The following STK3 variants were observed in gnomAD, a reference collection of about 807,000 sequenced individuals.
STK3 encodes serine/threonine-protein kinase 3.
In STK3, 41 loss-of-function variants were observed where a neutral mutation model predicts 58.0. The ratio of observed to expected loss-of-function variants is 0.71; its 90% confidence interval spans 0.55 to 0.92. STK3 has a LOEUF of 0.92. STK3 is among the 40% of genes least tolerant of loss of function. The pLI is 0.00. For missense variants in STK3, 479 were observed against 602.7 expected, an observed-to-expected ratio of 0.79 and a Z score of 2.15; for synonymous variants, 170 against 191.0, an observed-to-expected ratio of 0.89 and a Z score of 0.91.
At chr8:98,596,007 T>C (rs1444599246) in intron 7 of STK3, 25 bp downstream of exon 7, 8 of 1,601,626 alleles carry the variant, frequency 5.0e-6, no homozygotes, top group Non-Finnish European at 6.0e-6. Context: ...GAAAATATCC[T>C]TCCCTTCGAG....
At chr8:98,565,375 A>G (rs1442507430) in intron 8 of STK3, among the ~76,000 whole-genome samples, 1 of 152,190 alleles carries the variant, frequency 6.6e-6, no homozygotes, top group Non-Finnish European at 1.5e-5. Context: ...CACAAATCCC[A>G]AAGAATCATG....
At chr8:98,893,508 GAA>G (rs377089777) in intron 1 of STK3, among the ~76,000 whole-genome samples, 38 of 119,326 alleles carry the variant, frequency 3.2e-4, no homozygotes, top group African/African-American at 9.6e-4. Flanking sequence ...AAGAAAGAAA[GAA>G]AGAAAGAAAG....
chr8:98,451,352 A>C (rs942879191), downstream of STK3, among the ~76,000 whole-genome samples: 5 of 152,298 alleles, frequency 3.3e-5, no homozygotes, highest in African/African-American at 1.2e-4. Context: ...GTTTGGAAGC[A>C]GTTCAGTTTG....
intron 1 of STK3, among the ~76,000 whole-genome samples, chr8:98,793,247 G>C (rs970538564): frequency 1.3e-5 from 2 of 151,990 alleles, no homozygotes; most frequent in Middle Eastern, 3.2e-3. Flanking sequence ...CAGGTGATGG[G>C]TGCAACAAAA....
At chr8:98,548,770 T>C (rs556164521) in intron 8 of STK3, among the ~76,000 whole-genome samples, 1 of 152,274 alleles carries the variant, frequency 6.6e-6, no homozygotes, top group Admixed American at 6.5e-5. Flanking sequence ...AAGAGGTATC[T>C]AGAATAGGCA....
chr8:98,621,520 T>A (rs541847712), intron 6 of STK3, among the ~76,000 whole-genome samples: 139 of 152,324 alleles, frequency 9.1e-4, no homozygotes, highest in Non-Finnish European at 1.6e-3. Context: ...TTAATTATGA[T>A]GTTAGCTGAA....
At chr8:98,488,422 CTATTCTCCCTAG>C (rs1242135948) in intron 10 of STK3, among the ~76,000 whole-genome samples, 13 of 152,168 alleles carry the variant, frequency 8.5e-5, no homozygotes, top group Admixed American at 3.9e-4. Flanking sequence ...GGTACAAGGA[CTATTCTCCCTAG>C]TGGTAACAAA....
intron 8 of STK3, among the ~76,000 whole-genome samples, chr8:98,557,017 C>T (rs1403228078): frequency 1.3e-5 from 2 of 152,014 alleles, no homozygotes; most frequent in African/African-American, 2.4e-5. Flanking sequence ...AAATGACTTA[C>T]TATACTTTGT....
At chr8:98,622,389 A>C (rs996890458) in intron 6 of STK3, among the ~76,000 whole-genome samples, 5 of 152,218 alleles carry the variant, frequency 3.3e-5, no homozygotes, top group African/African-American at 1.2e-4. Flanking sequence ...AAGGATGTAT[A>C]TTACATTGCC....
At chr8:98,627,948 T>C (rs1163626863) in intron 6 of STK3, among the ~76,000 whole-genome samples, 1 of 152,212 alleles carries the variant, frequency 6.6e-6, no homozygotes, top group Non-Finnish European at 1.5e-5. Context: ...TAACATCAAA[T>C]GAGAAAATAT....
At chr8:98,899,947 T>C (rs1442805475) in intron 1 of STK3, among the ~76,000 whole-genome samples, 1 of 152,232 alleles carries the variant, frequency 6.6e-6, no homozygotes, top group African/African-American at 2.4e-5. Context: ...TTTTGTTTTA[T>C]TGTAAACATG....
chr8:98,903,863 C>G (rs1217810862), intron 1 of STK3, among the ~76,000 whole-genome samples: 1 of 152,048 alleles, frequency 6.6e-6, no homozygotes, highest in Admixed American at 6.6e-5. Context: ...ACAGGAAAAC[C>G]CTGATACCTG....
rs543707060 is a variant in STK3 at position 98,716,978 on chromosome 8, A to G, written c.352-9667T>C. On this transcript the variant is annotated intron_variant, in intron 4 of 10. Transcript: ENST00000419617. ...CAACTGGATATCCGTGTGCTAAAGA[A>G]TAAGTAGAATCCTTACCTAGCACCA... Among the ~76,000 whole-genome samples the G allele has an allele frequency of 3.3e-5, 5 of 152,308 alleles. No homozygotes were observed. In the South Asian group the frequency reaches 8.3e-4, roughly 25 times the overall value.
At chr8:98,557,141 C>T (rs1425183483) in intron 8 of STK3, among the ~76,000 whole-genome samples, 1 of 152,090 alleles carries the variant, frequency 6.6e-6, no homozygotes, top group African/African-American at 2.4e-5. Flanking sequence ...CTGGGGAAAA[C>T]TAGGGTAAGA....
At chr8:98,507,348 A>C (rs1824177860) in intron 10 of STK3, among the ~76,000 whole-genome samples, 1 of 152,222 alleles carries the variant, frequency 6.6e-6, no homozygotes, top group Non-Finnish European at 1.5e-5. Flanking sequence ...CTGTTCAAAC[A>C]AAAAACCTTG....
intron 6 of STK3, among the ~76,000 whole-genome samples, chr8:98,697,616 C>A (rs1043668504): frequency 1.5e-4 from 23 of 152,104 alleles, no homozygotes; most frequent in Admixed American, 3.3e-4. Context: ...TTGTTATGTA[C>A]CCAGTAGTCA....
intron 4 of STK3, among the ~76,000 whole-genome samples, chr8:98,743,407 A>G (rs1341134660): frequency 5.9e-5 from 9 of 152,320 alleles, no homozygotes; most frequent in South Asian, 4.1e-4. Flanking sequence ...ATGGAACAGA[A>G]CAGAGCCCTC....
At position 98,428,173 on chromosome 8, in the gene STK3, T is replaced by G; in HGVS notation, n.483+5954A>C. The G allele has an allele frequency of 1.2e-6, 2 of 1,614,078 alleles. No homozygotes were observed. The highest frequency in any genetic ancestry group is 1.7e-6 in the Non-Finnish European group (2 of 1,180,010). On this transcript the variant is annotated intron_variant and non_coding_transcript_variant, in intron 3 of 3. Transcript: ENST00000517832. This position sits in a 1 kb window ranked among gnomAD's most constrained non-coding sequence, Gnocchi z 6.7. ...GAGCTCTGCGATGACTACGACGACG[T>G]CCAGCGGGAGTTCTACTTCGACCGC...
At chr8:98,389,757 C>T (rs571048178), upstream of STK3, among the ~76,000 whole-genome samples, 1 of 149,440 alleles carries the variant, frequency 6.7e-6, no homozygotes, top group Non-Finnish European at 1.5e-5. Context: ...AGTGGCCACC[C>T]CTAGACCAAC....
Sources: allele counts gnomAD v4.1 joint callset (sites outside exome capture counted in the v4.1 genomes callset), GRCh38; gene constraint gnomAD v4.1.1; non-coding constraint Gnocchi (gnomAD v3.1); transcripts MANE v1.5; gene names NCBI Gene and HGNC (gene_info 2026-07-23, HGNC 2026-07-21).